The following PCDHGA8 variants were observed in gnomAD, a reference collection of about 807,000 sequenced individuals.
PCDHGA8 encodes protocadherin gamma-A8.
PCDHGA8 carries 45 observed loss-of-function variants against 59.2 expected under a neutral mutation model. That is an observed-to-expected ratio of 0.76 (90% CI 0.60 to 0.98). The LOEUF (loss-of-function observed/expected upper bound fraction) is 0.98, where lower values mean the gene tolerates loss of function less well. PCDHGA8 is among the 50% of genes least tolerant of loss of function. The pLI is 0.00. For missense variants in PCDHGA8, 1,257 were observed against 1,196.2 expected (o/e 1.05, Z -0.75); for synonymous variants, 531 against 519.0 (o/e 1.02, Z -0.32).
intron 1 of PCDHGA8, chr5:141,421,835 G>A (rs755889809): frequency 5.6e-6 from 9 of 1,613,746 alleles, no homozygotes; most frequent in Non-Finnish European, 6.8e-6. Context: ...AGCCTGGACC[G>A]AGAGAAAGAG....
intron 1 of PCDHGA8, chr5:141,442,382 T>C (rs1256682275): frequency 6.6e-6 from 1 of 152,290 alleles, no homozygotes; most frequent in East Asian, 1.9e-4. Flanking sequence ...CTACCAGGTG[T>C]GTGCTTCTCC....
intron 1 of PCDHGA8, among the ~76,000 whole-genome samples, chr5:141,459,804 C>G (rs2098975712): frequency 6.6e-6 from 1 of 152,192 alleles, no homozygotes; most frequent in Non-Finnish European, 1.5e-5. Context: ...TCCCTGTTGA[C>G]TAGAGACACT....
Position 141,505,474 on chromosome 5 carries a change from C to T in PCDHGA8, c.2565C>T (p.Ser855=), listed in dbSNP as rs751690779. The stretch of plus-strand genomic sequence containing the variant: ...TGCTGCAAGCCATGATCTTGGCGTC[C>T]GCCAGTGGTAAGTGGTGTCAGTGTG... ...TEMLQAMILA[S]ASEAADGSST... Residue 855 remains serine, a synonymous_variant, in exon 3 of 4, where the codon TCC becomes TCT. Transcript: ENST00000398604. 2.2e-5 allele frequency: 36 copies of T among 1,614,090 alleles called. No individual in the cohort carries two copies. The highest frequency in any genetic ancestry group is 5.3e-5 in the African/African-American group (4 of 74,934).
rs765454423 is a variant in PCDHGA8, at chr5:141,394,386, A to T, written c.1573A>T (p.Ile525Phe). The T allele has an allele frequency of 1.2e-6, 2 of 1,614,210 alleles. No individual in the cohort carries two copies. Among genetic ancestry groups the T allele is most frequent in the South Asian group, 1.1e-5 (1 of 91,086 alleles). ...YALQSFDYEQIRDLQLLVTAS... is the reference protein window; with the variant it reads ...YALQSFDYEQFRDLQLLVTAS... ...GCTGCAATCTTTCGACTATGAGCAG[A>T]TCCGAGACCTGCAGCTACTGGTAAC... Residue 525 changes from isoleucine to phenylalanine, a missense_variant, in exon 1 of 4, where the codon ATC becomes TTC. Physicochemically the swap from Ile to Phe is conservative, Grantham distance 21 (BLOSUM62 0). Transcript: ENST00000398604.
Position 141,511,066 on chromosome 5 carries a change from C to T in PCDHGA8, c.2692C>T (p.Pro898Ser). Residue 898 changes from proline to serine, a missense_variant, in exon 4 of 4, where the codon CCA (proline) becomes TCA (serine). Physicochemically the swap from Pro to Ser is moderately conservative, Grantham distance 74. Transcript: ENST00000398604. The part of the protein sequence containing the change: ...VPDYRQNVYI[P>S]GSNATLTNAA... ...CGACTACCGCCAGAATGTCTACATC[C>T]CAGGCAGCAATGCCACACTGACCAA... 1.2e-6 allele frequency: 2 copies of T among 1,614,230 alleles called. No individual in the cohort carries two copies. Among genetic ancestry groups the T allele is most frequent in the Non-Finnish European group, 1.7e-6 (2 of 1,180,036 alleles).
intron 1 of PCDHGA8, chr5:141,410,448 C>T: frequency 6.2e-7 from 1 of 1,614,006 alleles, no homozygotes; most frequent in Non-Finnish European, 8.5e-7. Context: ...GGGACTTTGC[C>T]TTATTCTTAT....
intron 1 of PCDHGA8, among the ~76,000 whole-genome samples, chr5:141,462,538 C>G (rs565849689): frequency 1.3e-5 from 2 of 152,102 alleles, no homozygotes; most frequent in South Asian, 2.1e-4. Context: ...GTTCAGTGAT[C>G]TTTTCTTCTT....
intron 1 of PCDHGA8, among the ~76,000 whole-genome samples, chr5:141,470,036 C>T (rs573955901): frequency 5.3e-5 from 8 of 152,022 alleles, no homozygotes; most frequent in South Asian, 2.1e-4. Flanking sequence ...TGCTGAGGCG[C>T]GAGAACTGTT....
chr5:141,479,003 C>T (rs2099485569), intron 1 of PCDHGA8, among the ~76,000 whole-genome samples: 1 of 152,176 alleles, frequency 6.6e-6, no homozygotes, highest in South Asian at 2.1e-4. Context: ...AAACTAATAG[C>T]TTTTTGATAA....
chr5:141,478,718 C>T, intron 1 of PCDHGA8: 1 of 1,544,994 alleles, frequency 6.5e-7, no homozygotes, highest in East Asian at 2.4e-5. Context: ...AGATGGTGGC[C>T]TGCCAGAGTG....
chr5:141,460,498 T>C (rs1028506755), intron 1 of PCDHGA8, among the ~76,000 whole-genome samples: 3 of 152,184 alleles, frequency 2.0e-5, no homozygotes, highest in African/African-American at 7.2e-5. Context: ...TGGAAAAATA[T>C]GCTGAGAAGG....
intron 1 of PCDHGA8, among the ~76,000 whole-genome samples, chr5:141,462,897 G>A (rs2099049236): frequency 6.6e-6 from 1 of 152,130 alleles, no homozygotes; most frequent in South Asian, 2.1e-4. Context: ...TGTTTTGGAA[G>A]GCTATTATGT....
intron 1 of PCDHGA8, chr5:141,420,300 C>T (rs773892933): frequency 1.6e-5 from 24 of 1,467,248 alleles, no homozygotes; most frequent in African/African-American, 2.8e-5. Context: ...TGTATTTAAT[C>T]CTTTTTATAT....
rs1376617687 is a variant in PCDHGA8, at chr5:141,393,030, C to T, written c.217C>T (p.Gln73Ter). Residue 73 changes from glutamine to a stop codon, truncating the protein, a stop_gained, in exon 1 of 4, where the codon CAG (glutamine) becomes TAG (stop). Coordinates refer to ENST00000398604, the MANE Select transcript of PCDHGA8 (RefSeq NM_032088.2). LOFTEE classifies it high-confidence loss of function. ...GVRIVSRGRT[Q>*]LFALNPRSGS... is the part of the protein sequence containing the mutation. Reference sequence around the variant, plus strand: ...CCGTATCGTCTCCAGAGGTAGGACGCAGCTCTTTGCTCTGAACCCGCGCAG... The same window carrying T: ...CCGTATCGTCTCCAGAGGTAGGACGTAGCTCTTTGCTCTGAACCCGCGCAG... The T allele has an allele frequency of 1.2e-6, 2 of 1,613,780 alleles. No individual in the cohort carries two copies. The highest frequency in any genetic ancestry group is 3.3e-5 in the Admixed American group (2 of 60,000).
Position 141,486,657 on chromosome 5 carries a change from T to C in PCDHGA8, c.2425-8150T>C. Reference sequence around the variant, plus strand: ...AATGCGCTTATCTCCTACTCACTCCTGGAGCCCAGGAATCGAGATGTATCA... The same window carrying C: ...AATGCGCTTATCTCCTACTCACTCCCGGAGCCCAGGAATCGAGATGTATCA... On this transcript the variant is annotated intron_variant, in intron 1 of 3. Transcript: ENST00000398604. The surrounding 1 kb of genome is among the most constrained non-coding windows in gnomAD (Gnocchi z 5.0). The C allele has an allele frequency of 6.2e-7, 1 of 1,614,010 alleles. No individual in the cohort carries two copies. Among genetic ancestry groups the C allele is most frequent in the Non-Finnish European group, 8.5e-7 (1 of 1,180,030 alleles).
chr5:141,490,990 C>A lies in PCDHGA8; in HGVS notation c.2425-3817C>A, dbSNP rs1230384508. On this transcript the variant is annotated intron_variant, in intron 1 of 3. Transcript: ENST00000398604. The surrounding 1 kb of genome is among the most constrained non-coding windows in gnomAD (Gnocchi z 5.4). ...CCCCCAGCGTCTCCCTCGCTCTGCTCCTCCTGGCTCCTTGGTCACCAAGGT... is the reference window on the plus strand; with the variant it reads ...CCCCCAGCGTCTCCCTCGCTCTGCTACTCCTGGCTCCTTGGTCACCAAGGT... The A allele has an allele frequency of 6.2e-7, 1 of 1,614,102 alleles. No homozygotes were observed. The highest frequency in any genetic ancestry group is 8.5e-7 in the Non-Finnish European group (1 of 1,180,022).
Position 141,393,690 on chromosome 5 carries a change from C to T in PCDHGA8, c.877C>T (p.Gln293Ter), listed in dbSNP as rs779487285. 2.5e-6 allele frequency: 4 copies of T among 1,613,752 alleles called. No homozygotes were observed. Among genetic ancestry groups the T allele is most frequent in the Non-Finnish European group, 2.5e-6 (3 of 1,179,910 alleles). Reference protein sequence around the residue: ...KINEKQTPLFQLNENTGEISI... With the variant: ...KINEKQTPLF ...TAATGAAAAACAAACTCCGTTATTC[C>T]AGCTTAATGAAAATACTGGGGAAAT... The change falls in exon 1 of 4, where the codon CAG becomes TAG. Residue 293 changes from glutamine to a stop codon, truncating the protein, a stop_gained. Coordinates refer to ENST00000398604, the MANE Select transcript of PCDHGA8 (RefSeq NM_032088.2). LOFTEE classifies it high-confidence loss of function.
chr5:141,433,047 C>T (rs1561867159), intron 1 of PCDHGA8: 1 of 1,614,046 alleles, frequency 6.2e-7, no homozygotes, highest in African/African-American at 1.3e-5. Flanking sequence ...ACCACGGACT[C>T]GCGGAAGAGT....
intron 1 of PCDHGA8, 96 bp from the exon 2 acceptor site, chr5:141,494,711 A>T (rs757105958): frequency 6.3e-7 from 1 of 1,599,616 alleles, no homozygotes; most frequent in Non-Finnish European, 8.5e-7. Context: ...CTCTGTGCCC[A>T]CTCCCCTCCT....
Sources: allele counts gnomAD v4.1 joint callset (sites outside exome capture counted in the v4.1 genomes callset), GRCh38; gene constraint gnomAD v4.1.1; non-coding constraint Gnocchi (gnomAD v3.1); transcripts MANE v1.5; gene names NCBI Gene and HGNC (gene_info 2026-07-23, HGNC 2026-07-21).